MYO9A: variants seen among roughly 807,000 people sequenced by gnomAD.
MYO9A encodes the protein myosin IXA.
Under a neutral mutation model 293.3 loss-of-function variants are expected in MYO9A, and 103 were observed. That is an observed-to-expected ratio of 0.35 (90% CI 0.30 to 0.41). MYO9A has a LOEUF of 0.41. Ranked by LOEUF, MYO9A falls within the 10% of genes least tolerant of loss-of-function variation. The pLI, the probability that MYO9A is intolerant of heterozygous loss-of-function variation, is 1.00. For synonymous variants in MYO9A, 1,001 were observed against 1,035.7 expected, an observed-to-expected ratio of 0.97 and a Z score of 0.64; for missense variants, 2,685 against 3,033.0, an observed-to-expected ratio of 0.89 and a Z score of 2.69.
At chr15:71,919,683 A>T (rs1246241549) in intron 18 of MYO9A, among the ~76,000 whole-genome samples, 1 of 151,908 alleles carries the variant, frequency 6.6e-6, no homozygotes, top group Admixed American at 6.6e-5. Flanking sequence ...TCTACTAAAA[A>T]TACAAAAAAT....
intron 19 of MYO9A, among the ~76,000 whole-genome samples, chr15:71,905,788 A>AAAT (rs2057617200): frequency 6.7e-6 from 1 of 149,600 alleles, no homozygotes. Flanking sequence ...AAAAAAAAAA[A>AAAT]TTTGGATCTG....
rs545598782 is a variant in MYO9A at position 71,906,935 on chromosome 15, T to C, written c.2686-1929A>G. 1.7e-3 allele frequency among the ~76,000 whole-genome samples: 255 copies of C among 150,286 alleles called. 2 individuals carry two copies. Among genetic ancestry groups the C allele is most frequent in the Admixed American group, 5.0e-3 (76 of 15,144 alleles). On this transcript the variant is annotated intron_variant, in intron 19 of 41. Transcript: ENST00000356056. Reference sequence around the variant, plus strand: ...CCACCACCACACCCGGCTAATTTTTTTTTTCTTTTTTTTTTTTATTATTAT... The same window carrying C: ...CCACCACCACACCCGGCTAATTTTTCTTTTCTTTTTTTTTTTTATTATTAT...
At chr15:72,080,429 T>C (rs2079508745) in intron 1 of MYO9A, among the ~76,000 whole-genome samples, 1 of 151,598 alleles carries the variant, frequency 6.6e-6, no homozygotes, top group Admixed American at 6.6e-5. Flanking sequence ...TGGGAAGTTA[T>C]GCAGCAATTA....
intron 6 of MYO9A, among the ~76,000 whole-genome samples, chr15:72,011,969 T>C (rs962462811): frequency 3.9e-5 from 6 of 152,230 alleles, no homozygotes; most frequent in African/African-American, 1.4e-4. Flanking sequence ...AAATATTGAA[T>C]TGAATGAAAC....
intron 39 of MYO9A, among the ~76,000 whole-genome samples, chr15:71,842,363 CGA>C (rs773141995): frequency 1.3e-5 from 2 of 151,838 alleles, no homozygotes; most frequent in Non-Finnish European, 2.9e-5. Flanking sequence ...GGTGACAGAG[CGA>C]GACTCTGTCT....
chr15:71,934,435 T>C lies in MYO9A; in HGVS notation c.2523-726A>G, dbSNP rs1413253169. The stretch of plus-strand genomic sequence containing the variant: ...GATTAAATGAGTTAATGTATATCTC[T>C]GGGCTAGAGCAAGACCTACATAAAT... On this transcript the variant is annotated intron_variant, in intron 17 of 41. Coordinates refer to ENST00000356056, the MANE Select transcript of MYO9A (RefSeq NM_006901.4). Among the ~76,000 whole-genome samples, 53 of 152,148 alleles carry C rather than the reference T, an allele frequency of 3.5e-4. 2 individuals are homozygous for C. Among genetic ancestry groups the C allele is most frequent in the Admixed American group, 3.5e-3 (53 of 15,280 alleles).
chr15:72,078,031 C>T (rs1008325788), intron 1 of MYO9A, among the ~76,000 whole-genome samples: 3 of 152,096 alleles, frequency 2.0e-5, no homozygotes, highest in Non-Finnish European at 4.4e-5. Flanking sequence ...AAACCAAATG[C>T]TAGTAAGAAT....
At chr15:71,908,546 T>C (rs1397177304) in intron 19 of MYO9A, among the ~76,000 whole-genome samples, 1 of 152,236 alleles carries the variant, frequency 6.6e-6, no homozygotes, top group African/African-American at 2.4e-5. Context: ...ACCAATTTTA[T>C]TACTGGCCTT....
At chr15:71,960,728 A>G (rs1383205640) in intron 13 of MYO9A, among the ~76,000 whole-genome samples, 2 of 152,234 alleles carry the variant, frequency 1.3e-5, no homozygotes, top group Non-Finnish European at 2.9e-5. Flanking sequence ...TAGAATAAAT[A>G]TTCTATAATT....
At position 71,899,889 on chromosome 15, in the gene MYO9A, C is replaced by T. The variant is rs375502201; in HGVS notation, c.3268G>A (p.Glu1090Lys). The T allele has an allele frequency of 6.2e-7, 1 of 1,614,008 alleles. No homozygotes were observed. Among genetic ancestry groups the T allele is most frequent in the African/African-American group, 1.3e-5 (1 of 74,912 alleles). Residue 1090 changes from glutamate (E) to lysine (K), a missense_variant, in exon 24 of 42, where the codon GAG (glutamate) becomes AAG (lysine). Glu to Lys is a moderately conservative substitution (Grantham distance 56). Transcript: ENST00000356056. ...LLQASWRAHL[E>K]RQRYLELRAA... Reference sequence around the variant, plus strand: ...CGTAACTCCAAGTACCGCTGCCTCTCTAAGTGAGCACGCCAGGAAGCTTGG... The same window carrying T: ...CGTAACTCCAAGTACCGCTGCCTCTTTAAGTGAGCACGCCAGGAAGCTTGG...
intron 13 of MYO9A, among the ~76,000 whole-genome samples, chr15:71,964,140 A>G (rs2075812424): frequency 6.6e-6 from 1 of 152,012 alleles, no homozygotes; most frequent in East Asian, 1.9e-4. Context: ...TCTGTAATCT[A>G]TAATTTTTTT....
chr15:72,048,246 A>C (rs2078450343), intron 1 of MYO9A, among the ~76,000 whole-genome samples: 1 of 151,722 alleles, frequency 6.6e-6, no homozygotes. Context: ...CTAAAAATAC[A>C]AAATTAGCCA....
intron 1 of MYO9A, among the ~76,000 whole-genome samples, chr15:72,087,193 CCAG>C (rs2079765586): frequency 6.6e-6 from 1 of 152,184 alleles, no homozygotes; most frequent in Non-Finnish European, 1.5e-5. Flanking sequence ...GGCTGGGTCC[CCAG>C]AAGAGGCCAG....
chr15:72,106,608 A>AT (rs887851400), intron 1 of MYO9A, among the ~76,000 whole-genome samples: 150 of 149,174 alleles, frequency 1.0e-3, no homozygotes, highest in African/African-American at 3.1e-3. Context: ...GTTTTTTTTT[A>AT]TTTTTTTTTT....
intron 1 of MYO9A, among the ~76,000 whole-genome samples, chr15:72,055,297 T>C (rs2078689657): frequency 6.6e-6 from 1 of 152,142 alleles, no homozygotes; most frequent in Non-Finnish European, 1.5e-5. Context: ...ACATGTAGAA[T>C]GAAAACCTCT....
At position 72,080,133 on chromosome 15, in the gene MYO9A, GT is replaced by G. The variant is rs914117680; in HGVS notation, c.-71-33500del. 4.6e-5 allele frequency among the ~76,000 whole-genome samples: 7 copies of G among 151,932 alleles called. 1 individual carries two copies. The highest frequency in any genetic ancestry group is 4.6e-4 in the Admixed American group (7 of 15,250). ...TAAAACACATACACACTCCTCCCTG[GT>G]GTAGATGCTGACAGCTTAATTCACA... On this transcript the variant is annotated intron_variant, in intron 1 of 41. Transcript: ENST00000356056.
intron 13 of MYO9A, among the ~76,000 whole-genome samples, chr15:71,963,840 A>G (rs28478122): frequency 0.023 from 3,450 of 152,316 alleles, 126 homozygotes; most frequent in African/African-American, 0.08. Context: ...GATATGTCTA[A>G]TTTGAAAGAA....
chr15:72,105,921 TC>T (rs2080550828), intron 1 of MYO9A, among the ~76,000 whole-genome samples: 2 of 152,072 alleles, frequency 1.3e-5, no homozygotes, highest in Non-Finnish European at 2.9e-5. Flanking sequence ...CTATGGTACA[TC>T]CGTATAATAG....
intron 1 of MYO9A, among the ~76,000 whole-genome samples, chr15:72,098,952 A>G (rs2080160109): frequency 6.6e-6 from 1 of 152,160 alleles, no homozygotes; most frequent in Non-Finnish European, 1.5e-5. Flanking sequence ...ATTTAAAAAA[A>G]AAAACAACTA....
Sources: gnomAD v4.1 joint callset for allele counts (sites outside exome capture counted in the v4.1 genomes callset) on GRCh38, gnomAD v4.1.1 for gene constraint, MANE v1.5 for transcripts, NCBI Gene and HGNC (gene_info 2026-07-23, HGNC 2026-07-21) for gene names.